The following SCHIP1 variants were observed in gnomAD, a reference collection of about 807,000 sequenced individuals.
SCHIP1 encodes schwannomin-interacting protein 1.
A neutral mutation model predicts 29.7 loss-of-function variants in SCHIP1; 8 were observed. That is an observed-to-expected ratio of 0.27 (90% CI 0.16 to 0.49). The LOEUF is 0.49. Ranked by LOEUF, SCHIP1 falls within the 20% of genes least tolerant of loss-of-function variation. SCHIP1 has a pLI of 0.99. For synonymous variants in SCHIP1, 76 were observed against 94.9 expected (o/e 0.80, Z 1.16); for missense variants, 193 against 294.6 (o/e 0.66, Z 2.52).
the SCHIP1 span, among the ~76,000 whole-genome samples, chr3:159,552,193 A>G: frequency 2.6e-5 from 4 of 151,776 alleles, no homozygotes; most frequent in East Asian, 7.8e-4. Context: ...TTACAGGTGC[A>G]CGCCACCACG....
chr3:159,723,278 G>A, the SCHIP1 span, among the ~76,000 whole-genome samples: 2 of 152,144 alleles, frequency 1.3e-5, no homozygotes, highest in Non-Finnish European at 2.9e-5. Context: ...AATAATAGCT[G>A]ATAATCCCAC....
the SCHIP1 span, among the ~76,000 whole-genome samples, chr3:159,643,614 A>G: frequency 2.6e-5 from 4 of 152,122 alleles, no homozygotes; most frequent in African/African-American, 9.7e-5. Context: ...ATCAAGCTAC[A>G]ACAGAAGGTT....
chr3:159,405,402 T>C, the SCHIP1 span, among the ~76,000 whole-genome samples: 3 of 152,118 alleles, frequency 2.0e-5, no homozygotes, highest in East Asian at 5.8e-4. Context: ...CAAGATAACA[T>C]AGAGAAGGAA....
chr3:159,322,883 G>A, the SCHIP1 span, among the ~76,000 whole-genome samples: 3 of 152,178 alleles, frequency 2.0e-5, no homozygotes, highest in Non-Finnish European at 4.4e-5. Flanking sequence ...TGAGGCTATG[G>A]AACTCTGTTC....
the SCHIP1 span, among the ~76,000 whole-genome samples, chr3:159,668,376 C>CAAAAAAAAAAAAAAA: frequency 2.8e-4 from 13 of 46,416 alleles, 2 homozygotes; most frequent in African/African-American, 1.1e-3. Flanking sequence ...GACTCCGTCT[C>CAAAAAAAAAAAAAAA]AAAAAAAAAA....
At chr3:159,688,510 T>C in the SCHIP1 span, among the ~76,000 whole-genome samples, 292 of 152,324 alleles carry the variant, frequency 1.9e-3, 1 homozygote, top group African/African-American at 6.8e-3. Flanking sequence ...CTTTGTCAGA[T>C]GGGTAGATTG....
chr3:159,562,875 T>G, the SCHIP1 span, among the ~76,000 whole-genome samples: 1 of 152,170 alleles, frequency 6.6e-6, no homozygotes, highest in Non-Finnish European at 1.5e-5. Context: ...CAACCCAATC[T>G]TTGATATTTC....
At chr3:159,343,199 G>A in the SCHIP1 span, among the ~76,000 whole-genome samples, 125 of 152,294 alleles carry the variant, frequency 8.2e-4, no homozygotes, top group African/African-American at 2.7e-3. Flanking sequence ...AAGTTGCATA[G>A]CAAGGGTTTA....
At chr3:159,605,192 G>A in the SCHIP1 span, among the ~76,000 whole-genome samples, 1 of 152,204 alleles carries the variant, frequency 6.6e-6, no homozygotes, top group African/African-American at 2.4e-5. Flanking sequence ...GCATTAGAAG[G>A]AGGGTGGGCT....
the SCHIP1 span, among the ~76,000 whole-genome samples, chr3:159,828,398 T>TATATATAC: frequency 3.1e-5 from 2 of 63,882 alleles, no homozygotes; most frequent in East Asian, 1.0e-3. Flanking sequence ...CATATATACG[T>TATATATAC]ATATATATAC....
chr3:159,429,567 A>G, the SCHIP1 span, among the ~76,000 whole-genome samples: 1 of 152,046 alleles, frequency 6.6e-6, no homozygotes. Context: ...TCACCCTCCA[A>G]CTGTAAAGTA....
the SCHIP1 span, among the ~76,000 whole-genome samples, chr3:159,343,503 C>T: frequency 7.4e-3 from 1,130 of 152,266 alleles, 10 homozygotes; most frequent in Admixed American, 0.025. Context: ...CTCTATGTGT[C>T]ACCATGTTCT....
the SCHIP1 span, among the ~76,000 whole-genome samples, chr3:159,596,350 G>C: frequency 6.6e-6 from 1 of 152,140 alleles, no homozygotes; most frequent in Non-Finnish European, 1.5e-5. Context: ...CATTGTTGGT[G>C]GAACTGTAAA....
At chr3:159,500,433 G>C in the SCHIP1 span, among the ~76,000 whole-genome samples, 1 of 152,076 alleles carries the variant, frequency 6.6e-6, no homozygotes, top group African/African-American at 2.4e-5. Context: ...AAGAGACCAG[G>C]CTGGGCATGT....
chr3:159,485,363 C>T, the SCHIP1 span, among the ~76,000 whole-genome samples: 3 of 152,052 alleles, frequency 2.0e-5, no homozygotes, highest in African/African-American at 4.8e-5. Context: ...ACACATAGTA[C>T]CAGGCTTATT....
the SCHIP1 span, among the ~76,000 whole-genome samples, chr3:159,376,637 G>A: frequency 2.5e-4 from 38 of 152,192 alleles, 1 homozygote; most frequent in Admixed American, 7.9e-4. Flanking sequence ...ATGGGCACCT[G>A]TCATTCTCTT....
chr3:159,841,618 G>A (rs1744228152), intron 1 of SCHIP1, among the ~76,000 whole-genome samples: 1 of 152,048 alleles, frequency 6.6e-6, no homozygotes, highest in African/African-American at 2.4e-5. Context: ...TATTCCATAT[G>A]TCTTTTCATT....
chr3:159,304,324 G>A, the SCHIP1 span, among the ~76,000 whole-genome samples: 53 of 152,248 alleles, frequency 3.5e-4, no homozygotes, highest in East Asian at 9.7e-3. Flanking sequence ...ATTTGGACAA[G>A]AGTTTTAAAA....
At chr3:159,766,823 AG>A in the SCHIP1 span, among the ~76,000 whole-genome samples, 1 of 152,216 alleles carries the variant, frequency 6.6e-6, no homozygotes, top group Non-Finnish European at 1.5e-5. Flanking sequence ...CCTTCCCTCC[AG>A]GAACTTAAAA....
Sources: allele counts gnomAD v4.1 joint callset (sites outside exome capture counted in the v4.1 genomes callset), GRCh38; gene constraint gnomAD v4.1.1; transcripts MANE v1.5; gene names NCBI Gene and HGNC (gene_info 2026-07-23, HGNC 2026-07-21).